The following MRPS15 variants were observed in gnomAD, a reference collection of about 807,000 sequenced individuals.
The protein encoded by MRPS15 is mitochondrial ribosomal protein S15, also known as small ribosomal subunit protein uS15m.
A neutral mutation model predicts 30.7 loss-of-function variants in MRPS15; 25 were observed. The ratio of observed to expected loss-of-function variants is 0.81; its 90% CI spans 0.59 to 1.14. The LOEUF is 1.14. Ranked by LOEUF, MRPS15 falls within the 50% of genes most tolerant of loss-of-function variation. MRPS15 has a pLI of 0.00. For synonymous variants in MRPS15, 124 were observed against 120.1 expected (o/e 1.03, Z -0.21); for missense variants, 313 against 321.7 (o/e 0.97, Z 0.21).
intron 5 of MRPS15, among the ~76,000 whole-genome samples, chr1:36,460,243 G>A (rs1415636820): frequency 1.3e-5 from 2 of 152,160 alleles, no homozygotes; most frequent in Middle Eastern, 3.2e-3. Flanking sequence ...TCCTGACCTT[G>A]TGATCCACCT....
At position 36,455,945 on chromosome 1, in the gene MRPS15, GAA is replaced by G. The variant is rs751361101; in HGVS notation, c.637-22_637-21del. On this transcript the variant is annotated intron_variant, in intron 7 of 7. Transcript: ENST00000373116. The stretch of plus-strand genomic sequence containing the variant: ...GAAAACCTGGGGATGAAAAGGGGCA[GAA>G]AAAGACCTTGTAATCCTGTGCAAAA... 1.2e-6 allele frequency: 2 copies of G among 1,609,994 alleles called. No individual in the cohort carries two copies. Among genetic ancestry groups the G allele is most frequent in the African/African-American group, 1.3e-5 (1 of 74,418 alleles).
chr1:36,461,255 G>A lies in MRPS15; in HGVS notation c.300+9C>T. 1 of 1,614,116 alleles carries A rather than the reference G, an allele frequency of 6.2e-7. No individual in the cohort carries two copies. The highest frequency in any genetic ancestry group is 8.5e-7 in the Non-Finnish European group (1 of 1,179,960). On this transcript the variant is annotated intron_variant, in intron 4 of 7. Transcript: ENST00000373116. ...TGCGGGAGGCTGAGGCTTGGCAGAG[G>A]CTGCTCACCTTGTTGGCCATTTCCA...
At chr1:36,463,874 G>A (rs762403423) in intron 1 of MRPS15, 24 bp from the exon 2 acceptor site, 13 of 1,604,974 alleles carry the variant, frequency 8.1e-6, no homozygotes, top group Middle Eastern at 1.7e-4. Flanking sequence ...AGAGGGCTGA[G>A]GACCATCTCC....
intron 2 of MRPS15, among the ~76,000 whole-genome samples, chr1:36,462,391 C>T (rs1650116420): frequency 6.6e-6 from 1 of 152,212 alleles, no homozygotes; most frequent in South Asian, 2.1e-4. Flanking sequence ...CTACACTGTG[C>T]CTGCACCTTT....
intron 2 of MRPS15, among the ~76,000 whole-genome samples, chr1:36,463,431 C>A (rs567487884): frequency 1.8e-4 from 27 of 152,310 alleles, no homozygotes; most frequent in Middle Eastern, 3.4e-3. Context: ...TGCCCCATAT[C>A]ATTTACCTAA....
intron 4 of MRPS15, 21 bp from the exon 5 acceptor site, chr1:36,460,797 GAAAATCT>G (rs769141837): frequency 6.2e-7 from 1 of 1,600,450 alleles, no homozygotes; most frequent in Non-Finnish European, 8.6e-7. Flanking sequence ...CAGAGACAGA[GAAAATCT>G]GTGGAGTCTG....
At chr1:36,461,444 G>T in intron 3 of MRPS15, 132 bp from the exon 4 acceptor site, 1 of 832,310 alleles carries the variant, frequency 1.2e-6, no homozygotes, top group Non-Finnish European at 1.9e-6. Context: ...CCCTGGAGGT[G>T]GGGAGCCATT....
At position 36,455,892 on chromosome 1, in the gene MRPS15, T is replaced by C. The variant is rs540320519; in HGVS notation, c.670A>G (p.Arg224Gly). The change falls in exon 8 of 8, where the codon AGA becomes GGA. Residue 224 changes from arginine to glycine, a missense_variant. Transcript: ENST00000373116. ...GCTGCTGCAGCCTTTAAGGCTCTTCTTCGCTTCTTCAGCTTTTGAGTCTCC... is the reference window on the plus strand; with the variant it reads ...GCTGCTGCAGCCTTTAAGGCTCTTCCTCGCTTCTTCAGCTTTTGAGTCTCC... ...FQETQKLKKRRRALKAAAAAQ... is the reference protein window; with the variant it reads ...FQETQKLKKRGRALKAAAAAQ... 18 of 1,614,002 alleles carry C rather than the reference T, an allele frequency of 1.1e-5. No homozygotes were observed. The highest frequency in any genetic ancestry group is 1.7e-4 in the Middle Eastern group (1 of 6,058).
chr1:36,461,035 C>T (rs1423119145), intron 4 of MRPS15, among the ~76,000 whole-genome samples: 4 of 152,222 alleles, frequency 2.6e-5, no homozygotes, highest in African/African-American at 9.6e-5. Flanking sequence ...TATGCTCATT[C>T]ATTCATTCAC....
intron 2 of MRPS15, 94 bp from the exon 3 acceptor site, chr1:36,462,257 A>G: frequency 3.4e-6 from 3 of 885,572 alleles, no homozygotes; most frequent in Non-Finnish European, 5.4e-6. Flanking sequence ...CTCCAACTCC[A>G]GAAGGGACAT....
At chr1:36,460,469 G>A (rs1430459210) in intron 5 of MRPS15, among the ~76,000 whole-genome samples, 5 of 152,200 alleles carry the variant, frequency 3.3e-5, no homozygotes, top group Non-Finnish European at 7.3e-5. Context: ...CTCCAAGAGA[G>A]GGTTGGTGAC....
Position 36,464,272 on chromosome 1 carries a change from G to T in MRPS15, c.4C>A (p.Leu2Met), listed in dbSNP as rs1650167476. Reference protein sequence around the residue: MLRVAWRTLSLI... With the variant: MMRVAWRTLSLI... ...CTCAGCGTCCTCCACGCGACCCTCA[G>T]CATGGTGACCTCTAACCCCCGCGGG... Residue 2 changes from leucine to methionine, a missense_variant, in exon 1 of 8, where the codon CTG becomes ATG. Transcript: ENST00000373116. 1.2e-6 allele frequency: 2 copies of T among 1,613,460 alleles called. No individual in the cohort carries two copies. Among genetic ancestry groups the T allele is most frequent in the Admixed American group, 1.7e-5 (1 of 59,942 alleles).
Position 36,464,159 on chromosome 1 carries a change from G to A in MRPS15, c.117C>T (p.Gly39=). 1.2e-6 allele frequency: 2 copies of A among 1,613,724 alleles called. No homozygotes were observed. Among genetic ancestry groups the A allele is most frequent in the Non-Finnish European group, 8.5e-7 (1 of 1,179,920 alleles). The change falls in exon 1 of 8, where the codon GGC becomes GGT. Residue 39 remains glycine, a synonymous_variant. Transcript: ENST00000373116. ...TCAGCTCCTCACTTCGAGGCTGCAGGCCCCACTGGTTGAAAGGAAACTTGG... is the reference window on the plus strand; with the variant it reads ...TCAGCTCCTCACTTCGAGGCTGCAGACCCCACTGGTTGAAAGGAAACTTGG... The part of the protein sequence containing the change: ...GSAKFPFNQW[G]LQPRSLLLQA...
At chr1:36,462,496 A>G (rs1650118193) in intron 2 of MRPS15, among the ~76,000 whole-genome samples, 1 of 152,190 alleles carries the variant, frequency 6.6e-6, no homozygotes, top group South Asian at 2.1e-4. Flanking sequence ...AATCCACCAT[A>G]GTCTGGCCCA....
At chr1:36,457,475 C>T (rs915163736) in intron 6 of MRPS15, among the ~76,000 whole-genome samples, 20 of 152,024 alleles carry the variant, frequency 1.3e-4, no homozygotes, top group Admixed American at 1.2e-3. Context: ...TAGCACAGGG[C>T]CTAAAGACTT....
chr1:36,461,180 T>A, intron 4 of MRPS15, 84 bp downstream of exon 4: 1 of 1,260,846 alleles, frequency 7.9e-7, no homozygotes, highest in Non-Finnish European at 1.2e-6. Flanking sequence ...TGGAGAAGCA[T>A]GAGATGCGGG....
chr1:36,455,993 G>T, intron 7 of MRPS15, 68 bp from the exon 8 acceptor site: 1 of 1,572,946 alleles, frequency 6.4e-7, no homozygotes, highest in Admixed American at 1.9e-5. Flanking sequence ...GGAACAAGTG[G>T]GATGGGAACT....
At position 36,458,924 on chromosome 1, in the gene MRPS15, T is replaced by G. The variant is rs1650044695; in HGVS notation, c.386-943A>C. ...AGTACATACTGAGTTCTGGGAGCAC[T>G]GCAGAAAGTGCAGTGGGAACCCTGA... On this transcript the variant is annotated intron_variant, in intron 5 of 7. Coordinates refer to ENST00000373116, the MANE Select transcript of MRPS15 (RefSeq NM_031280.4). The surrounding 1 kb of genome is among the most constrained non-coding windows in gnomAD (Gnocchi z 4.5). 2.0e-5 allele frequency: 3 copies of G among 152,250 alleles called. No homozygotes were observed. The highest frequency in any genetic ancestry group is 1.5e-5 in the Non-Finnish European group (1 of 68,062). 9.4% of individuals were successfully genotyped at this position (152,250 alleles called of 1,614,324 possible).
Position 36,464,233 on chromosome 1 carries a change from G to C in MRPS15, c.43C>G (p.Arg15Gly). 2 of 1,614,044 alleles carry C rather than the reference G, an allele frequency of 1.2e-6. No individual in the cohort carries two copies. Among genetic ancestry groups the C allele is most frequent in the Non-Finnish European group, 8.5e-7 (1 of 1,179,974 alleles). Residue 15 changes from arginine (R) to glycine (G), a missense_variant, in exon 1 of 8, where the codon CGG (arginine) becomes GGG (glycine). Physicochemically the swap from Arg to Gly is moderately radical, Grantham distance 125. Transcript: ENST00000373116. ...GGTACTAGGACCTGGGTAACTGCCC[G>C]GGTCCGAATCAAACTCAGCGTCCTC... ...AWRTLSLIRT[R>G]AVTQVLVPGL...
Sources: allele counts gnomAD v4.1 joint callset (sites outside exome capture counted in the v4.1 genomes callset), GRCh38; gene constraint gnomAD v4.1.1; non-coding constraint Gnocchi (gnomAD v3.1); transcripts MANE v1.5; gene names NCBI Gene and HGNC (gene_info 2026-07-23, HGNC 2026-07-21).